DLGAP2: variants seen among roughly 807,000 people sequenced by gnomAD.
DLGAP2 encodes the protein disks large-associated protein 2.
A neutral mutation model predicts 100.3 loss-of-function variants in DLGAP2; 26 were observed. The ratio of observed to expected loss-of-function variants is 0.26; its 90% CI spans 0.19 to 0.36. DLGAP2 has a LOEUF of 0.36. DLGAP2 is among the 10% of genes least tolerant of loss of function. DLGAP2 has a pLI of 1.00. For missense variants in DLGAP2, 1,858 were observed against 1,453.2 expected (o/e 1.28, Z -4.53); for synonymous variants, 886 against 630.1 (o/e 1.41, Z -6.08).
chr8:905,794 C>A (rs1798366608), intron 1 of DLGAP2, among the ~76,000 whole-genome samples: 1 of 151,532 alleles, frequency 6.6e-6, no homozygotes, highest in Non-Finnish European at 1.5e-5. Flanking sequence ...GCTTGGGGTC[C>A]CAGCCCCACC....
intron 2 of DLGAP2, among the ~76,000 whole-genome samples, chr8:935,216 C>A (rs1288418661): frequency 6.6e-6 from 1 of 152,192 alleles, no homozygotes; most frequent in Non-Finnish European, 1.5e-5. Context: ...CTCTTCCTTC[C>A]CGGTGTGGGT....
At chr8:867,593 A>T (rs1205719320) in intron 1 of DLGAP2, among the ~76,000 whole-genome samples, 1 of 152,234 alleles carries the variant, frequency 6.6e-6, no homozygotes, top group Non-Finnish European at 1.5e-5. Flanking sequence ...ACATGCACAC[A>T]TCTGAGAAGG....
chr8:1,037,279 C>T (rs775732561), intron 2 of DLGAP2, among the ~76,000 whole-genome samples: 3 of 152,136 alleles, frequency 2.0e-5, no homozygotes, highest in East Asian at 1.9e-4. Flanking sequence ...TATCACCTGG[C>T]GTGACCCTGA....
chr8:828,415 C>T (rs1328298124), intron 1 of DLGAP2, among the ~76,000 whole-genome samples: 1 of 152,222 alleles, frequency 6.6e-6, no homozygotes, highest in Non-Finnish European at 1.5e-5. Context: ...CGATATTTCT[C>T]CCATTTGCTT....
intron 1 of DLGAP2, among the ~76,000 whole-genome samples, chr8:802,214 C>A (rs1418626239): frequency 6.6e-6 from 1 of 151,400 alleles, no homozygotes; most frequent in Non-Finnish European, 1.5e-5. Context: ...CCTGGGCCCT[C>A]CATCCTCATG....
At chr8:1,615,424 C>A (rs112103035) in intron 6 of DLGAP2, among the ~76,000 whole-genome samples, 2,934 of 152,270 alleles carry the variant, frequency 0.019, 86 homozygotes, top group African/African-American at 0.066. Context: ...CAACATGAAA[C>A]CCACCTGCAA....
At chr8:767,881 T>C (rs1297160086) in intron 1 of DLGAP2, among the ~76,000 whole-genome samples, 3 of 152,204 alleles carry the variant, frequency 2.0e-5, no homozygotes, top group South Asian at 4.1e-4. Context: ...TTTCTTGCAG[T>C]AGAGGGCTTC....
chr8:1,255,259 T>C (rs58556746), intron 2 of DLGAP2, among the ~76,000 whole-genome samples: 2 of 83,856 alleles, frequency 2.4e-5, no homozygotes, highest in Non-Finnish European at 4.2e-5. Flanking sequence ...CCTGCCCGGG[T>C]GCTGTGTGTG....
intron 2 of DLGAP2, among the ~76,000 whole-genome samples, chr8:1,048,431 G>A (rs886411626): frequency 6.6e-6 from 1 of 152,048 alleles, no homozygotes; most frequent in South Asian, 2.1e-4. Context: ...CTGCCACCGG[G>A]TGTTCACAGG....
At chr8:1,107,618 G>T (rs58977132) in intron 2 of DLGAP2, among the ~76,000 whole-genome samples, 8,254 of 152,296 alleles carry the variant, frequency 0.054, 427 homozygotes, top group African/African-American at 0.14. Flanking sequence ...TAGGAGAATG[G>T]GCTTTCTGTG....
chr8:903,384 C>T (rs563102550), intron 1 of DLGAP2, among the ~76,000 whole-genome samples: 9 of 152,038 alleles, frequency 5.9e-5, no homozygotes, highest in Non-Finnish European at 1.2e-4. Flanking sequence ...CGGGCAGCAC[C>T]TTTGAAGGCT....
intron 2 of DLGAP2, among the ~76,000 whole-genome samples, chr8:1,225,764 GT>G (rs1349843771): frequency 1.3e-5 from 2 of 152,288 alleles, no homozygotes; most frequent in East Asian, 3.9e-4. Context: ...GAAGGACTAA[GT>G]TCAAGACATC....
chr8:799,357 G>A (rs1332575775), intron 1 of DLGAP2, among the ~76,000 whole-genome samples: 1 of 152,106 alleles, frequency 6.6e-6, no homozygotes, highest in Non-Finnish European at 1.5e-5. Context: ...GGCGGGAGGG[G>A]GTTGAATAAT....
chr8:1,201,372 C>A (rs1451666344), intron 2 of DLGAP2, among the ~76,000 whole-genome samples: 1 of 152,140 alleles, frequency 6.6e-6, no homozygotes, highest in East Asian at 1.9e-4. Context: ...GCAGGGGGCT[C>A]CCCCTTCCTC....
intron 2 of DLGAP2, among the ~76,000 whole-genome samples, chr8:1,151,460 G>T (rs1463283677): frequency 6.6e-6 from 1 of 152,214 alleles, no homozygotes; most frequent in African/African-American, 2.4e-5. Context: ...GCAGCTTTGG[G>T]ACGGTGAACA....
At chr8:1,684,733 G>A (rs951757802) in intron 12 of DLGAP2, among the ~76,000 whole-genome samples, 3 of 121,050 alleles carry the variant, frequency 2.5e-5, no homozygotes, top group African/African-American at 9.9e-5. Context: ...TAAGATTTTT[G>A]TATTATGTCA....
intron 3 of DLGAP2, among the ~76,000 whole-genome samples, chr8:1,294,616 A>C (rs1800129779): frequency 6.6e-6 from 1 of 152,234 alleles, no homozygotes; most frequent in South Asian, 2.1e-4. Context: ...TAAAATTAAG[A>C]GTACATAGGC....
At chr8:1,267,000 G>A (rs929624082) in intron 3 of DLGAP2, among the ~76,000 whole-genome samples, 2 of 152,010 alleles carry the variant, frequency 1.3e-5, no homozygotes, top group Admixed American at 6.6e-5. Flanking sequence ...AGGTCTAGGT[G>A]GGCAGATCAC....
At chr8:1,429,995 T>G (rs1797366075) in intron 3 of DLGAP2, among the ~76,000 whole-genome samples, 1 of 62,146 alleles carries the variant, frequency 1.6e-5, no homozygotes, top group Non-Finnish European at 3.0e-5. Context: ...AGGGGAGAGA[T>G]GCATATATAT....
Sources: gnomAD v4.1 joint callset for allele counts (sites outside exome capture counted in the v4.1 genomes callset) on GRCh38, gnomAD v4.1.1 for gene constraint, MANE v1.5 for transcripts, NCBI Gene and HGNC (gene_info 2026-07-23, HGNC 2026-07-21) for gene names.